Variants in UBE4A observed in about 807,000 individuals in gnomAD.
UBE4A encodes the protein ubiquitination factor E4A, also known as ubiquitin conjugation factor E4 A.
Under a neutral mutation model 117.9 loss-of-function variants are expected in UBE4A, and 48 were observed. That is an observed-to-expected ratio of 0.41 (90% CI 0.32 to 0.52). UBE4A has a LOEUF of 0.52. Among genes scored for constraint, UBE4A ranks in the 20% least tolerant of loss-of-function variants. UBE4A has a pLI of 0.33. For synonymous variants in UBE4A, 407 were observed against 450.0 expected (o/e 0.90, Z 1.21); for missense variants, 1,067 against 1,296.3 (o/e 0.82, Z 2.72).
intron 18 of UBE4A, among the ~76,000 whole-genome samples, chr11:118,392,022 T>G (rs77980693): frequency 3.9e-5 from 6 of 152,182 alleles, no homozygotes; most frequent in African/African-American, 1.4e-4. Context: ...TTGGCTTTTA[T>G]TGGAATATGC....
At position 118,389,896 on chromosome 11, in the gene UBE4A, T is replaced by C; in HGVS notation, c.2759T>C (p.Leu920Ser). The C allele has an allele frequency of 6.3e-7, 1 of 1,588,274 alleles. No homozygotes were observed. Among genetic ancestry groups the C allele is most frequent in the Non-Finnish European group, 8.6e-7 (1 of 1,160,384 alleles). ...GTATCAGATATCTGCACTATCTACT[T>C]AAATCTTGGGTACCTGAGATTGAAA... Reference protein sequence around the residue: ...QLVSDICTIYLNLGDEENFCA... With the variant: ...QLVSDICTIYSNLGDEENFCA... The change falls in exon 17 of 20, where the codon TTA (leucine) becomes TCA (serine). Residue 920 changes from leucine (L) to serine (S), a missense_variant. This residue lies in a region of UBE4A where 1,001 missense variants were observed against 1,184.0 expected (regional missense o/e 0.85). Transcript: ENST00000252108.
Position 118,365,196 on chromosome 11 carries a change from A to C in UBE4A, c.116A>C (p.Gln39Pro), listed in dbSNP as rs1451262052. The C allele has an allele frequency of 3.7e-6, 6 of 1,608,090 alleles. No homozygotes were observed. Among genetic ancestry groups the C allele is most frequent in the East Asian group, 2.3e-5 (1 of 44,372 alleles). Residue 39 changes from glutamine (Q) to proline (P), a missense_variant, in exon 2 of 20, where the codon CAA (glutamine) becomes CCA (proline). Gln to Pro is a moderately conservative substitution (Grantham distance 76, BLOSUM62 -1). Around this residue, in one of 3 missense-constraint regions of UBE4A, gnomAD observed 1,001 missense variants for 1,184.0 expected, o/e 0.85. Transcript: ENST00000252108. Reference protein sequence around the residue: ...AAIQKEQLKQQSDELPASPDD... With the variant: ...AAIQKEQLKQPSDELPASPDD... ...ATCCAAAAAGAGCAGCTGAAGCAAC[A>C]ATCTGGTAAGTGGAGGAGCCAATAG...
In UBE4A at chr11:118,374,879, G is replaced by A; in HGVS notation, c.1117-17G>A. ...GGATTGTGAAACGTTCTGTGGTTGT[G>A]TTTTCTGGTTGAACAGTTCATGGCT... On this transcript the variant is annotated splice_polypyrimidine_tract_variant and intron_variant, in intron 8 of 19. Transcript: ENST00000252108. 6.7e-7 allele frequency: 1 copy of A among 1,491,966 alleles called. No individual in the cohort carries two copies. The allele number at this position is 1,491,966 out of a possible 1,614,324, so 92.4% of individuals were successfully genotyped here.
chr11:118,382,690 A>C lies in UBE4A; in HGVS notation c.2111A>C (p.His704Pro). The change falls in exon 13 of 20, where the codon CAC becomes CCC. Residue 704 changes from histidine (H) to proline (P), a missense_variant. His to Pro is a moderately conservative substitution (Grantham distance 77). This residue lies in a region of UBE4A where 1,001 missense variants were observed against 1,184.0 expected (regional missense o/e 0.85). Transcript: ENST00000252108. The part of the protein sequence containing the change: ...TPNPLVSSVF[H>P]RKRVFCNFQY... ...AATCCCTTGGTATCCAGTGTGTTCCACCGGAAACGTGTGTTCTGCAACTTT... is the reference window on the plus strand; with the variant it reads ...AATCCCTTGGTATCCAGTGTGTTCCCCCGGAAACGTGTGTTCTGCAACTTT... 6.2e-7 allele frequency: 1 copy of C among 1,606,150 alleles called. No individual in the cohort carries two copies. Among genetic ancestry groups the C allele is most frequent in the Non-Finnish European group, 8.5e-7 (1 of 1,175,810 alleles).
At chr11:118,394,012 G>A (rs933438101) in intron 19 of UBE4A, among the ~76,000 whole-genome samples, 2 of 152,086 alleles carry the variant, frequency 1.3e-5, no homozygotes, top group Non-Finnish European at 2.9e-5. Flanking sequence ...CCTATTCTTC[G>A]GACAGTCTGC....
chr11:118,369,358 A>G (rs183048390), intron 3 of UBE4A, 65 bp from the exon 4 acceptor site: 509 of 1,182,520 alleles, frequency 4.3e-4, no homozygotes, highest in Non-Finnish European at 5.6e-4. Context: ...GATGCTGTCA[A>G]GATCAGTTGT....
At chr11:118,363,486 G>A (rs2134084260) in intron 1 of UBE4A, among the ~76,000 whole-genome samples, 1 of 152,176 alleles carries the variant, frequency 6.6e-6, no homozygotes, top group South Asian at 2.1e-4. Flanking sequence ...GTTAGCTCTT[G>A]TGTGGAAAAA....
At chr11:118,367,325 A>G (rs771403195) in intron 2 of UBE4A, among the ~76,000 whole-genome samples, 1 of 152,190 alleles carries the variant, frequency 6.6e-6, no homozygotes, top group Non-Finnish European at 1.5e-5. Flanking sequence ...AAGATGTGAC[A>G]TGCAACTTAT....
At chr11:118,374,753 A>G (rs1460644466) in intron 8 of UBE4A, 143 bp from the exon 9 acceptor site, 6 of 743,516 alleles carry the variant, frequency 8.1e-6, no homozygotes, top group Non-Finnish European at 1.2e-5. Context: ...TATATTTTAA[A>G]ATCAAATTAG....
intron 2 of UBE4A, among the ~76,000 whole-genome samples, chr11:118,366,428 G>T (rs1337502075): frequency 6.6e-6 from 1 of 152,184 alleles, no homozygotes; most frequent in Non-Finnish European, 1.5e-5. Context: ...TATAGCAGCT[G>T]AGCAACAGAA....
At position 118,368,896 on chromosome 11, in the gene UBE4A, G is replaced by C. The variant is rs943258098; in HGVS notation, c.295+92G>C. On this transcript the variant is annotated intron_variant, in intron 3 of 19. Transcript: ENST00000252108. ...TGAAACTGGTTACAGCTAATGGTTA[G>C]ATACAAACCTACTCACTGCACTCCC... 5 of 1,330,506 alleles carry C rather than the reference G, an allele frequency of 3.8e-6. No individual in the cohort carries two copies. In the Admixed American group the frequency reaches 5.4e-5, roughly 14 times the overall value. The allele number at this position is 1,330,506 out of a possible 1,614,324, so 82.4% of individuals were successfully genotyped here. A position where few individuals can be genotyped will look rare whatever the true frequency, so the allele number is the denominator to read the frequency against.
At chr11:118,373,053 G>A (rs1274285848) in intron 6 of UBE4A, 33 bp from the exon 7 acceptor site, 14 of 1,596,858 alleles carry the variant, frequency 8.8e-6, no homozygotes, top group South Asian at 3.3e-5. Context: ...AAATTCTTGT[G>A]CCCTCCTTTC....
intron 13 of UBE4A, 68 bp from the exon 14 acceptor site, chr11:118,384,567 C>A: frequency 2.8e-6 from 4 of 1,414,314 alleles, no homozygotes; most frequent in Middle Eastern, 1.8e-4. Flanking sequence ...CAAATGGCTA[C>A]ACATAAGCAT....
rs144197876 is a variant in UBE4A, at chr11:118,398,798, G to C, written c.*2358G>C. 5.6e-5 allele frequency: 10 copies of C among 177,332 alleles called. No homozygotes were observed. The East Asian group carries it at 1.4e-3, about 26-fold the overall frequency. The allele number at this position is 177,332 out of a possible 1,614,324, so 11.0% of individuals were successfully genotyped here. Reference sequence around the variant, plus strand: ...TGTTTTATCAAGCAGTCTGGGTTTTGTTTTTTAATATACTTTTTAATGGAT... The same window carrying C: ...TGTTTTATCAAGCAGTCTGGGTTTTCTTTTTTAATATACTTTTTAATGGAT... On this transcript the variant is annotated 3_prime_UTR_variant, in exon 20 of 20. Coordinates refer to ENST00000252108, the MANE Select transcript of UBE4A (RefSeq NM_001204077.2).
At chr11:118,381,369 C>T in intron 11 of UBE4A, 22 bp from the exon 12 acceptor site, 3 of 1,613,064 alleles carry the variant, frequency 1.9e-6, no homozygotes, top group Middle Eastern at 3.3e-4. Flanking sequence ...TGGCTAATTC[C>T]AGTGAATATT....
At chr11:118,381,171 G>A (rs564779327) in intron 11 of UBE4A, among the ~76,000 whole-genome samples, 11 of 152,252 alleles carry the variant, frequency 7.2e-5, no homozygotes, top group Admixed American at 2.6e-4. Context: ...TTAACATTTT[G>A]TGTCATTACT....
rs1948894993 is a variant in UBE4A at position 118,398,388 on chromosome 11, C to T, written c.*1948C>T. The T allele has an allele frequency of 6.6e-6, 1 of 152,582 alleles. No individual in the cohort carries two copies. Among genetic ancestry groups the T allele is most frequent in the African/African-American group, 2.4e-5 (1 of 41,406 alleles). 9.5% of individuals were successfully genotyped at this position (152,582 alleles called of 1,614,324 possible). On this transcript the variant is annotated 3_prime_UTR_variant, in exon 20 of 20. Transcript: ENST00000252108. Reference sequence around the variant, plus strand: ...TTTTCCTGAAACTTTTTATGAATGGCTATGGCACCATTAATGCTGCTGAAT... The same window carrying T: ...TTTTCCTGAAACTTTTTATGAATGGTTATGGCACCATTAATGCTGCTGAAT...
chr11:118,359,924 G>T (rs1000418227), intron 1 of UBE4A, among the ~76,000 whole-genome samples: 1 of 152,138 alleles, frequency 6.6e-6, no homozygotes, highest in Non-Finnish European at 1.5e-5. Context: ...CCTCCTGGAA[G>T]AGGCCGGAGC....
chr11:118,373,019 G>C (rs1948621640), intron 6 of UBE4A, 67 bp from the exon 7 acceptor site: 1 of 1,232,646 alleles, frequency 8.1e-7, no homozygotes, highest in Non-Finnish European at 1.2e-6. Context: ...TGAAAGTAAA[G>C]AGCTAGTGTG....
Sources: gnomAD v4.1 joint callset for allele counts (sites outside exome capture counted in the v4.1 genomes callset) on GRCh38, gnomAD v4.1.1 for gene constraint, gnomAD v4.1.1 regional missense constraint, MANE v1.5 for transcripts, NCBI Gene and HGNC (gene_info 2026-07-23, HGNC 2026-07-21) for gene names.